UPF2: variants seen among roughly 807,000 people sequenced by gnomAD.
UPF2 encodes regulator of nonsense transcripts 2.
Under a neutral mutation model 141.4 loss-of-function variants are expected in UPF2, and 17 were observed. The observed-to-expected ratio is 0.12, with a 90% CI of 0.08 to 0.18. UPF2 has a LOEUF of 0.18. UPF2 is among the 10% of genes least tolerant of loss of function. The probability of loss-of-function intolerance (pLI) is 1.00; values close to 1 mark genes in which losing one functional copy is unlikely to be tolerated. For synonymous variants in UPF2, 540 were observed against 498.0 expected (o/e 1.08, Z -1.12); for missense variants, 1,152 against 1,515.9 (o/e 0.76, Z 3.99).
At chr10:11,967,066 CTAG>C (rs1833333410) in intron 10 of UPF2, among the ~76,000 whole-genome samples, 2 of 151,982 alleles carry the variant, frequency 1.3e-5, no homozygotes, top group Non-Finnish European at 2.9e-5. Flanking sequence ...TAGATGGCTC[CTAG>C]TAGTTGTTTT....
chr10:11,952,771 G>A (rs957683966), intron 14 of UPF2, among the ~76,000 whole-genome samples: 4 of 151,926 alleles, frequency 2.6e-5, no homozygotes, highest in Non-Finnish European at 5.9e-5. Flanking sequence ...ACTGCGCCCG[G>A]CCCTAGATAT....
rs931912354 is a variant in UPF2 at position 12,000,047 on chromosome 10, A to G, written c.1655-38T>C. The G allele has an allele frequency of 1.3e-5, 19 of 1,495,100 alleles. No individual in the cohort carries two copies. In the East Asian group the frequency reaches 1.4e-4, roughly 11 times the overall value. 92.6% of individuals were successfully genotyped at this position (1,495,100 alleles called of 1,614,324 possible). On this transcript the variant is annotated intron_variant, in intron 6 of 21. Coordinates refer to ENST00000357604, the MANE Select transcript of UPF2 (RefSeq NM_015542.4). ...TAGTTTTTAAATAGGTTAAAAAAAA[A>G]AGAGAACACAGAATAAAAACATCCA... is the stretch of plus-strand genomic sequence containing the variant.
chr10:11,924,337 G>C (rs1458094027), intron 21 of UPF2, among the ~76,000 whole-genome samples: 1 of 152,200 alleles, frequency 6.6e-6, no homozygotes, highest in Non-Finnish European at 1.5e-5. Context: ...CAGCACTTTG[G>C]GAGGTCCAGG....
chr10:12,041,441 T>G (rs1564377373), intron 1 of UPF2, among the ~76,000 whole-genome samples: 1 of 152,136 alleles, frequency 6.6e-6, no homozygotes, highest in East Asian at 1.9e-4. Context: ...TTATTTGGTA[T>G]TCTAAATACA....
chr10:12,002,334 C>T (rs1043616715), intron 5 of UPF2, among the ~76,000 whole-genome samples: 3 of 152,046 alleles, frequency 2.0e-5, no homozygotes, highest in African/African-American at 7.2e-5. Context: ...TTATGTATAC[C>T]ATTTGTTAAC....
At position 11,980,299 on chromosome 10, in the gene UPF2, A is replaced by C. The variant is rs1833570722; in HGVS notation, c.1845-1134T>G. Among the ~76,000 whole-genome samples, 2 of 152,364 alleles carry C rather than the reference A, an allele frequency of 1.3e-5. No individual in the cohort carries two copies. The highest frequency in any genetic ancestry group is 2.1e-4 in the South Asian group (1 of 4,832). Reference sequence around the variant, plus strand: ...CAGACTCTGAAGATGAGAAGTAATGAGCAACTGATAAAAGCAGCTTAACTG... The same window carrying C: ...CAGACTCTGAAGATGAGAAGTAATGCGCAACTGATAAAAGCAGCTTAACTG... On this transcript the variant is annotated intron_variant, in intron 8 of 21. Coordinates refer to ENST00000357604, the MANE Select transcript of UPF2 (RefSeq NM_015542.4). This position sits in a 1 kb window ranked among gnomAD's most constrained non-coding sequence, Gnocchi z 4.2.
At chr10:12,010,974 A>G (rs551164829) in intron 4 of UPF2, among the ~76,000 whole-genome samples, 88 of 152,040 alleles carry the variant, frequency 5.8e-4, no homozygotes, top group Non-Finnish European at 9.9e-4. Flanking sequence ...CTTAAGTTCT[A>G]TGTCTGAAAA....
intron 3 of UPF2, among the ~76,000 whole-genome samples, chr10:12,015,602 C>T (rs1005270563): frequency 6.6e-6 from 1 of 152,042 alleles, no homozygotes; most frequent in African/African-American, 2.4e-5. Flanking sequence ...CTCAGGAGGC[C>T]GAGGCAGAAG....
chr10:12,009,722 G>A (rs993778293), intron 4 of UPF2, among the ~76,000 whole-genome samples: 1 of 152,104 alleles, frequency 6.6e-6, no homozygotes, highest in Non-Finnish European at 1.5e-5. Flanking sequence ...GAGAGCTGAG[G>A]GTCTGGTAAT....
At chr10:11,994,218 C>T (rs1321448669) in intron 8 of UPF2, among the ~76,000 whole-genome samples, 2 of 151,882 alleles carry the variant, frequency 1.3e-5, no homozygotes, top group Non-Finnish European at 2.9e-5. Context: ...AACATAACCA[C>T]GAGGAGAAAA....
At position 11,939,353 on chromosome 10, in the gene UPF2, C is replaced by T. The variant is rs1278849814; in HGVS notation, c.3379-2641G>A. 3.9e-5 allele frequency among the ~76,000 whole-genome samples: 6 copies of T among 152,044 alleles called. No individual in the cohort carries two copies. The highest frequency in any genetic ancestry group is 6.5e-5 in the Admixed American group (1 of 15,268). ...ATTCTGCTGTGGAAATAAAACAGAA[C>T]GTCAACTTTATTTTTGTTTATTGTC... On this transcript the variant is annotated intron_variant, in intron 18 of 21. Transcript: ENST00000357604. The surrounding 1 kb of genome is among the most constrained non-coding windows in gnomAD (Gnocchi z 4.8).
intron 11 of UPF2, among the ~76,000 whole-genome samples, chr10:11,961,413 G>A (rs1833238538): frequency 1.3e-5 from 2 of 151,864 alleles, no homozygotes; most frequent in South Asian, 4.2e-4. Flanking sequence ...AGAACCACGG[G>A]AAGAGCACGC....
rs1331780583 is a variant in UPF2, at chr10:11,959,516, T to C, written c.2185-160A>G. Among the ~76,000 whole-genome samples, 1 of 152,092 alleles carries C rather than the reference T, an allele frequency of 6.6e-6. No homozygotes were observed. The highest frequency in any genetic ancestry group is 1.5e-5 in the Non-Finnish European group (1 of 68,012). On this transcript the variant is annotated intron_variant, in intron 11 of 21. Transcript: ENST00000357604. The surrounding 1 kb of genome is among the most constrained non-coding windows in gnomAD (Gnocchi z 5.9). ...GGCTCACACCTATAATCCCAGCACTTTGGGAGACTGAGATTGCAGGATCAC... is the reference window on the plus strand; with the variant it reads ...GGCTCACACCTATAATCCCAGCACTCTGGGAGACTGAGATTGCAGGATCAC...
At chr10:11,983,017 T>C (rs1833624680) in intron 8 of UPF2, among the ~76,000 whole-genome samples, 1 of 152,202 alleles carries the variant, frequency 6.6e-6, no homozygotes, top group Non-Finnish European at 1.5e-5. Flanking sequence ...CCACCAAAAT[T>C]GTTCAGTTCC....
chr10:12,002,379 T>A (rs943983883), intron 5 of UPF2, among the ~76,000 whole-genome samples: 3 of 152,056 alleles, frequency 2.0e-5, no homozygotes, highest in African/African-American at 4.8e-5. Context: ...TGGAGAGAGA[T>A]TGTGTGGATG....
In UPF2 at chr10:11,997,694, G is replaced by A. The variant is rs768111686; in HGVS notation, c.1822C>T (p.Leu608Phe). ...TACCTTTGTCTAGGAACTATGAAGA[G>A]TGCCCGTACCAACTTCTTCCTGTTT... ...KANRKKLVRA[L>F]FIVPRQRLDL... Residue 608 changes from leucine (L) to phenylalanine (F), a missense_variant, in exon 8 of 22, where the codon CTC becomes TTC. Physicochemically the swap from Leu to Phe is conservative, Grantham distance 22. This residue lies in a region of UPF2 where 739 missense variants were observed against 1,032.2 expected (regional missense o/e 0.72). Coordinates refer to ENST00000357604, the MANE Select transcript of UPF2 (RefSeq NM_015542.4). 5.6e-6 allele frequency: 9 copies of A among 1,613,710 alleles called. No homozygotes were observed. The highest frequency in any genetic ancestry group is 4.2e-6 in the Non-Finnish European group (5 of 1,179,866).
chr10:12,036,551 A>G (rs1337803391), intron 1 of UPF2, among the ~76,000 whole-genome samples: 2 of 152,234 alleles, frequency 1.3e-5, no homozygotes, highest in African/African-American at 2.4e-5. Flanking sequence ...GCATTGGCCT[A>G]TAGTACAGGC....
In UPF2 at chr10:11,931,566, AGAT is replaced by A; in HGVS notation, c.3688+72_3688+74del. The A allele has an allele frequency of 2.8e-6, 4 of 1,436,590 alleles. No homozygotes were observed. Among genetic ancestry groups the A allele is most frequent in the Non-Finnish European group, 3.7e-6 (4 of 1,079,966 alleles). 89.0% of individuals were successfully genotyped at this position (1,436,590 alleles called of 1,614,324 possible). A position where few individuals can be genotyped will look rare whatever the true frequency, so the allele number is the denominator to read the frequency against. The stretch of plus-strand genomic sequence containing the variant: ...AAATATGGAAAAATATGACATGAGA[AGAT>A]GAGACAAAATAACAATTTTGATGCT... On this transcript the variant is annotated intron_variant, in intron 20 of 21. Coordinates refer to ENST00000357604, the MANE Select transcript of UPF2 (RefSeq NM_015542.4). The surrounding 1 kb of genome is among the most constrained non-coding windows in gnomAD (Gnocchi z 5.9).
chr10:12,005,820 C>T (rs1047371279), intron 4 of UPF2, among the ~76,000 whole-genome samples: 18 of 152,110 alleles, frequency 1.2e-4, no homozygotes, highest in Non-Finnish European at 2.6e-4. Flanking sequence ...ATCCACCTGC[C>T]TCAGCCTCCC....
Sources: gnomAD v4.1 joint callset for allele counts (sites outside exome capture counted in the v4.1 genomes callset) on GRCh38, gnomAD v4.1.1 for gene constraint, gnomAD v4.1.1 regional missense constraint, Gnocchi (gnomAD v3.1) non-coding constraint, MANE v1.5 for transcripts, NCBI Gene and HGNC (gene_info 2026-07-23, HGNC 2026-07-21) for gene names.